The following WDR6 variants were observed in gnomAD, a reference collection of about 807,000 sequenced individuals.
WDR6 encodes the protein WD repeat domain 6.
Under a neutral mutation model 85.6 loss-of-function variants are expected in WDR6, and 58 were observed. The ratio of observed to expected loss-of-function variants is 0.68; its 90% CI spans 0.55 to 0.84. WDR6 has a LOEUF of 0.84. Among genes scored for constraint, WDR6 ranks in the 40% least tolerant of loss-of-function variants. The pLI is 0.00. For synonymous variants in WDR6, 569 were observed against 582.2 expected, an observed-to-expected ratio of 0.98 and a Z score of 0.33; for missense variants, 1,310 against 1,476.4, an observed-to-expected ratio of 0.89 and a Z score of 1.85.
At position 49,015,520 on chromosome 3, in the gene WDR6, G is replaced by A. The variant is rs921337392; in HGVS notation, c.*232G>A. ...CAAACAGTACCAATTTATTTTGGCC[G>A]TGGGTTTTTGCTTTTTTTCCAGTTG... On this transcript the variant is annotated 3_prime_UTR_variant, in exon 6 of 6. Coordinates refer to ENST00000608424, the MANE Select transcript of WDR6 (RefSeq NM_018031.6). 3.4e-5 allele frequency: 54 copies of A among 1,597,292 alleles called. No individual in the cohort carries two copies. The highest frequency in any genetic ancestry group is 3.2e-4 in the South Asian group (29 of 89,572).
intron 1 of WDR6, chr3:49,011,174 C>T (rs555628805): frequency 1.5e-4 from 63 of 424,442 alleles, no homozygotes; most frequent in South Asian, 3.9e-4. Context: ...AACCTCCACC[C>T]GCTGGGTTCA....
chr3:49,008,806 A>G (rs1351287471), intron 1 of WDR6: 1 of 152,574 alleles, frequency 6.6e-6, no homozygotes, highest in East Asian at 1.9e-4. Flanking sequence ...GAAGCTCTGC[A>G]AGTGAATTCA....
At chr3:49,010,999 G>C in intron 1 of WDR6, 1 of 428,254 alleles carries the variant, frequency 2.3e-6, no homozygotes, top group South Asian at 1.7e-5. Context: ...CTCAGCGACA[G>C]AATGAGACTC....
Position 49,014,074 on chromosome 3 carries a change from A to G in WDR6, c.2540A>G (p.Gln847Arg). 6.2e-7 allele frequency: 1 copy of G among 1,613,484 alleles called. No homozygotes were observed. Among genetic ancestry groups the G allele is most frequent in the Non-Finnish European group, 8.5e-7 (1 of 1,179,958 alleles). ...SHRLDEYWDR[Q>R]RNRHRMVKVD... ...CGGCTAGATGAGTATTGGGACCGGC[A>G]ACGCAATCGGCATCGGATGGTTAAG... Residue 847 changes from glutamine (Q) to arginine (R), a missense_variant, in exon 2 of 6, where the codon CAA becomes CGA. By Grantham distance (43) the Gln-to-Arg change is conservative. Transcript: ENST00000608424. This position sits in a 1 kb window ranked among gnomAD's most constrained non-coding sequence, Gnocchi z 4.9.
At chr3:49,008,944 C>G (rs1395166386) in intron 1 of WDR6, 1 of 153,536 alleles carries the variant, frequency 6.5e-6, no homozygotes, top group Non-Finnish European at 1.5e-5. Flanking sequence ...TGCAGTGGCA[C>G]GGTCTCGGCT....
chr3:49,010,566 A>G (rs566236372), intron 1 of WDR6, among the ~76,000 whole-genome samples: 140 of 150,188 alleles, frequency 9.3e-4, no homozygotes, highest in African/African-American at 3.4e-3. Flanking sequence ...AAATATAAAA[A>G]CTGGTCGGGC....
chr3:49,012,590 G>A lies in WDR6; in HGVS notation c.1056G>A (p.Lys352=). ...FKSRSRPGTL[K]AVTLAGSWRL... ...CCCGTAGTAGGCCAGGTACACTCAA[G>A]GCTGTGACTCTGGCTGGCTCTTGGC... Residue 352 remains lysine, a synonymous_variant, in exon 2 of 6, where the codon AAG becomes AAA. Coordinates refer to ENST00000608424, the MANE Select transcript of WDR6 (RefSeq NM_018031.6). The surrounding 1 kb of genome is among the most constrained non-coding windows in gnomAD (Gnocchi z 4.4). 6.2e-7 allele frequency: 1 copy of A among 1,614,116 alleles called. No homozygotes were observed. Among genetic ancestry groups the A allele is most frequent in the Non-Finnish European group, 8.5e-7 (1 of 1,180,016 alleles).
In WDR6 at chr3:49,011,769, G is replaced by A; in HGVS notation, c.235G>A (p.Asp79Asn). The A allele has an allele frequency of 1.2e-5, 20 of 1,614,218 alleles. No homozygotes were observed. Among genetic ancestry groups the A allele is most frequent in the Non-Finnish European group, 1.7e-5 (20 of 1,180,044 alleles). ...RVRPEPNGDL[D>N]LEAMVAVFGS... ...ACGGCCAGAGCCTAATGGAGACCTT[G>A]ACTTGGAGGCCATGGTGGCTGTGTT... is the stretch of plus-strand genomic sequence containing the variant. Residue 79 changes from aspartate (D) to asparagine (N), a missense_variant, in exon 2 of 6, where the codon GAC becomes AAC. Physicochemically the swap from Asp to Asn is conservative, Grantham distance 23 (BLOSUM62 1). Transcript: ENST00000608424.
intron 1 of WDR6, among the ~76,000 whole-genome samples, chr3:49,009,533 T>C (rs1436730450): frequency 2.0e-5 from 3 of 152,042 alleles, no homozygotes; most frequent in South Asian, 2.1e-4. Flanking sequence ...TGTTTGTGCA[T>C]TGTAGGATGT....
Position 49,013,960 on chromosome 3 carries a change from C to T in WDR6, c.2426C>T (p.Ala809Val). 1.2e-6 allele frequency: 2 copies of T among 1,612,150 alleles called. No individual in the cohort carries two copies. The highest frequency in any genetic ancestry group is 1.7e-6 in the Non-Finnish European group (2 of 1,179,978). The stretch of plus-strand genomic sequence containing the variant: ...CATGTGGTGTCTGCGGGGGGGCGGG[C>T]TGAGATGCACTGCTTCAGCATCATG... ...TAHVVSAGGR[A>V]EMHCFSIMVT... The change falls in exon 2 of 6, where the codon GCT (alanine) becomes GTT (valine). Residue 809 changes from alanine to valine, a missense_variant. Coordinates refer to ENST00000608424, the MANE Select transcript of WDR6 (RefSeq NM_018031.6). This position sits in a 1 kb window ranked among gnomAD's most constrained non-coding sequence, Gnocchi z 4.6.
Position 49,014,796 on chromosome 3 carries a change from T to C in WDR6, c.2903-29T>C. ...CTCACACATGTGGCAGGCGGGGCCC[T>C]GACAACTACCCTCTTCCTCTTCCTT... On this transcript the variant is annotated intron_variant, in intron 5 of 5. Coordinates refer to ENST00000608424, the MANE Select transcript of WDR6 (RefSeq NM_018031.6). This position sits in a 1 kb window ranked among gnomAD's most constrained non-coding sequence, Gnocchi z 4.9. 1.2e-6 allele frequency: 2 copies of C among 1,602,964 alleles called. No homozygotes were observed. The highest frequency in any genetic ancestry group is 8.5e-7 in the Non-Finnish European group (1 of 1,172,952).
At position 49,013,277 on chromosome 3, in the gene WDR6, T is replaced by C. The variant is rs1284189381; in HGVS notation, c.1743T>C (p.Tyr581=). The C allele has an allele frequency of 6.2e-7, 1 of 1,614,118 alleles. No homozygotes were observed. Among genetic ancestry groups the C allele is most frequent in the Admixed American group, 1.7e-5 (1 of 60,006 alleles). ...GVTSVTCHGG[Y]VYTTGRDGAY... ...CCTCAGTCACATGCCATGGTGGCTA[T>C]GTGTATACCACAGGGCGTGATGGAG... Residue 581 remains tyrosine (Y), a synonymous_variant, in exon 2 of 6, where the codon TAT becomes TAC. Transcript: ENST00000608424. The surrounding 1 kb of genome is among the most constrained non-coding windows in gnomAD (Gnocchi z 4.6).
At chr3:49,009,428 C>T (rs2093003338) in intron 1 of WDR6, among the ~76,000 whole-genome samples, 1 of 151,428 alleles carries the variant, frequency 6.6e-6, no homozygotes, top group African/African-American at 2.4e-5. Context: ...AGTTGGCCTC[C>T]CCTTACACTC....
At chr3:49,011,578 C>G (rs749766950) in intron 1 of WDR6, 57 bp from the exon 2 acceptor site, 1 of 1,611,742 alleles carries the variant, frequency 6.2e-7, no homozygotes, top group Non-Finnish European at 8.5e-7. Flanking sequence ...CATCTCTTCC[C>G]TGTGGGTCAT....
At chr3:49,009,321 C>A (rs1290735420) in intron 1 of WDR6, among the ~76,000 whole-genome samples, 1 of 126,726 alleles carries the variant, frequency 7.9e-6, no homozygotes, top group Admixed American at 7.8e-5. Context: ...ACCCCCCCCC[C>A]CCCGCCCCAA....
Position 49,012,415 on chromosome 3 carries a change from G to A in WDR6, c.881G>A (p.Arg294Gln), listed in dbSNP as rs755268680. 7.4e-6 allele frequency: 12 copies of A among 1,614,062 alleles called. No homozygotes were observed. Among genetic ancestry groups the A allele is most frequent in the South Asian group, 4.4e-5 (4 of 91,088 alleles). ...SHEGEILQAFRGHQGRGIRAI... is the reference protein window; with the variant it reads ...SHEGEILQAFQGHQGRGIRAI... ...GAAGGTGAGATCCTCCAGGCCTTTC[G>A]GGGACACCAGGGACGTGGGATCCGG... The change falls in exon 2 of 6, where the codon CGG (arginine) becomes CAG (glutamine). Residue 294 changes from arginine (R) to glutamine (Q), a missense_variant. Arg to Gln is a conservative substitution (Grantham distance 43). Transcript: ENST00000608424. The surrounding 1 kb of genome is among the most constrained non-coding windows in gnomAD (Gnocchi z 4.4).
At position 49,012,644 on chromosome 3, in the gene WDR6, C is replaced by T. The variant is rs2093023577; in HGVS notation, c.1110C>T (p.Ala370=). 1 of 1,613,908 alleles carries T rather than the reference C, an allele frequency of 6.2e-7. No individual in the cohort carries two copies. The highest frequency in any genetic ancestry group is 1.3e-5 in the African/African-American group (1 of 74,876). The change falls in exon 2 of 6, where the codon GCC becomes GCT. Residue 370 remains alanine (A), a synonymous_variant. Coordinates refer to ENST00000608424, the MANE Select transcript of WDR6 (RefSeq NM_018031.6). This position sits in a 1 kb window ranked among gnomAD's most constrained non-coding sequence, Gnocchi z 4.4. ...WRLLAVTDTG[A]LYLYDVEVKC... is the part of the protein sequence containing the mutation. ...TGCTGGCAGTGACTGATACAGGGGC[C>T]CTGTATCTCTATGACGTCGAGGTCA...
chr3:49,007,650 C>A lies in WDR6; in HGVS notation c.100+119C>A. ...GAGAAGGACGGGCAGCAGGTTGAGG[C>A]CGATCGGAGGTGGGAAGGGAGCCCC... On this transcript the variant is annotated intron_variant, in intron 1 of 5. Transcript: ENST00000608424. This position sits in a 1 kb window ranked among gnomAD's most constrained non-coding sequence, Gnocchi z 5.1. 2 of 1,367,824 alleles carry A rather than the reference C, an allele frequency of 1.5e-6. No individual in the cohort carries two copies. The highest frequency in any genetic ancestry group is 6.3e-5 in the Admixed American group (2 of 31,920). 84.7% of individuals were successfully genotyped at this position (1,367,824 alleles called of 1,614,324 possible).
At position 49,014,020 on chromosome 3, in the gene WDR6, C is replaced by T; in HGVS notation, c.2486C>T (p.Ala829Val). 1.2e-6 allele frequency: 2 copies of T among 1,612,138 alleles called. No individual in the cohort carries two copies. The highest frequency in any genetic ancestry group is 1.7e-6 in the Non-Finnish European group (2 of 1,180,004). The change falls in exon 2 of 6, where the codon GCC becomes GTC. Residue 829 changes from alanine to valine, a missense_variant. By Grantham distance (64) the Ala-to-Val change is moderately conservative. Transcript: ENST00000608424. The surrounding 1 kb of genome is among the most constrained non-coding windows in gnomAD (Gnocchi z 4.9). Reference sequence around the variant, plus strand: ...GACCCCAGCACCCCAAGCCGCCTCGCCTGCCATGTCATGCACCTTTCGTCC... The same window carrying T: ...GACCCCAGCACCCCAAGCCGCCTCGTCTGCCATGTCATGCACCTTTCGTCC... Reference protein sequence around the residue: ...TPDPSTPSRLACHVMHLSSHR... With the variant: ...TPDPSTPSRLVCHVMHLSSHR...
Sources: allele counts gnomAD v4.1 joint callset (sites outside exome capture counted in the v4.1 genomes callset), GRCh38; gene constraint gnomAD v4.1.1; non-coding constraint Gnocchi (gnomAD v3.1); transcripts MANE v1.5; gene names NCBI Gene and HGNC (gene_info 2026-07-23, HGNC 2026-07-21).